Variants in RBFOX1 observed in about 807,000 individuals in gnomAD.
RBFOX1 encodes the protein RNA binding protein fox-1 homolog 1.
RBFOX1 carries 8 observed loss-of-function variants against 57.7 expected under a neutral mutation model. The observed-to-expected ratio is 0.14, with a 90% CI of 0.08 to 0.25. The LOEUF (loss-of-function observed/expected upper bound fraction) is 0.25. Among genes scored for constraint, RBFOX1 ranks in the 10% least tolerant of loss-of-function variants. RBFOX1 has a pLI of 1.00. For missense variants in RBFOX1, 611 were observed against 548.5 expected, an observed-to-expected ratio of 1.11 and a Z score of -1.14; for synonymous variants, 326 against 222.4, an observed-to-expected ratio of 1.47 and a Z score of -4.15.
rs578181222 is a variant in RBFOX1 at position 6,578,386 on chromosome 16, G to T, written c.-63-76217G>T. 2.3e-4 allele frequency among the ~76,000 whole-genome samples: 35 copies of T among 152,266 alleles called. 1 individual carries two copies. The South Asian group carries it at 7.3e-3, about 32-fold the overall frequency. On this transcript the variant is annotated intron_variant, in intron 2 of 15. Coordinates refer to ENST00000550418, the MANE Select transcript of RBFOX1 (RefSeq NM_018723.4). ...TGGGTGAAAGTGTGTTGTGATTCAT[G>T]ACCTTATGGATGGACGGTGTTCTCA... is the stretch of plus-strand genomic sequence containing the variant.
In RBFOX1 at chr16:7,234,353, A is replaced by G. The variant is rs148523333; in HGVS notation, c.27+182255A>G. Among the ~76,000 whole-genome samples the G allele has an allele frequency of 5.9e-5, 9 of 152,216 alleles. No individual in the cohort carries two copies. The East Asian group carries it at 7.7e-4, about 13-fold the overall frequency. On this transcript the variant is annotated intron_variant, in intron 4 of 15. Coordinates refer to ENST00000550418, the MANE Select transcript of RBFOX1 (RefSeq NM_018723.4). Reference sequence around the variant, plus strand: ...TACAGTGAGTTGAGATGAGGAATCTATTTGGTTTTGGTTCCACCCCTTTGC... The same window carrying G: ...TACAGTGAGTTGAGATGAGGAATCTGTTTGGTTTTGGTTCCACCCCTTTGC...
intron 2 of RBFOX1, chr16:6,576,912 C>G (rs150150012): frequency 2.0e-5 from 3 of 152,262 alleles, no homozygotes; most frequent in Admixed American, 6.5e-5. Context: ...TCATCCCCAG[C>G]AAAGATAAAG....
intron 3 of RBFOX1, among the ~76,000 whole-genome samples, chr16:6,863,901 C>T (rs1020442375): frequency 6.6e-6 from 1 of 151,696 alleles, no homozygotes; most frequent in Non-Finnish European, 1.5e-5. Context: ...AGTTACCAAT[C>T]CATTGCCATT....
intron 4 of RBFOX1, among the ~76,000 whole-genome samples, chr16:6,004,988 T>C (rs548787810): frequency 1.3e-5 from 2 of 149,506 alleles, no homozygotes; most frequent in South Asian, 4.2e-4. Flanking sequence ...ATTTGTTTTG[T>C]TGCTAAAAAA....
intron 1 of RBFOX1, among the ~76,000 whole-genome samples, chr16:6,083,619 G>T (rs2096042183): frequency 2.0e-5 from 3 of 152,092 alleles, no homozygotes; most frequent in Non-Finnish European, 2.9e-5. Context: ...TTGGACCACA[G>T]ACGTGCGCCA....
At chr16:6,708,178 G>A (rs915937692) in intron 3 of RBFOX1, among the ~76,000 whole-genome samples, 4 of 152,010 alleles carry the variant, frequency 2.6e-5, no homozygotes, top group Non-Finnish European at 4.4e-5. Flanking sequence ...TTTTCCCCTT[G>A]TTTCTTATTA....
chr16:6,767,914 CAATAATAAT>C (rs71408408), intron 3 of RBFOX1, among the ~76,000 whole-genome samples: 2,042 of 117,944 alleles, frequency 0.017, 26 homozygotes, highest in South Asian at 0.076. Context: ...GACTCTATCT[CAATAATAAT>C]AATAATAATA....
At chr16:6,371,862 C>T (rs1417851853) in intron 2 of RBFOX1, among the ~76,000 whole-genome samples, 2 of 152,208 alleles carry the variant, frequency 1.3e-5, no homozygotes, top group African/African-American at 2.4e-5. Context: ...TAAAATTTCC[C>T]TGCCTATCTG....
intron 1 of RBFOX1, among the ~76,000 whole-genome samples, chr16:6,093,750 T>C (rs1208913795): frequency 6.6e-6 from 1 of 151,848 alleles, no homozygotes; most frequent in African/African-American, 2.4e-5. Context: ...GCCTCCTAAA[T>C]AGCTGGGACC....
intron 4 of RBFOX1, among the ~76,000 whole-genome samples, chr16:7,143,286 C>T (rs766992062): frequency 2.0e-5 from 3 of 151,808 alleles, no homozygotes; most frequent in African/African-American, 7.3e-5. Context: ...ACAATGCGTC[C>T]AACTGTTTTC....
intron 2 of RBFOX1, among the ~76,000 whole-genome samples, chr16:6,469,873 T>C (rs554157809): frequency 3.9e-5 from 6 of 152,186 alleles, no homozygotes; most frequent in Non-Finnish European, 7.3e-5. Flanking sequence ...GGGCAGTAGA[T>C]TTGAACCTTA....
intron 2 of RBFOX1, among the ~76,000 whole-genome samples, chr16:6,375,685 C>T (rs922644549): frequency 1.3e-5 from 2 of 152,114 alleles, no homozygotes; most frequent in East Asian, 1.9e-4. Context: ...AACCCGGAGG[C>T]GCATCTCACA....
chr16:7,208,137 T>C (rs562713983), intron 4 of RBFOX1, among the ~76,000 whole-genome samples: 29 of 152,158 alleles, frequency 1.9e-4, no homozygotes, highest in Non-Finnish European at 4.0e-4. Context: ...TATGTATCCC[T>C]GGAGTTTGGT....
chr16:7,522,984 C>A (rs1180649611), intron 5 of RBFOX1, among the ~76,000 whole-genome samples: 1 of 151,610 alleles, frequency 6.6e-6, no homozygotes, highest in Non-Finnish European at 1.5e-5. Flanking sequence ...TTTTTTGATC[C>A]TCCCCTCCTC....
At chr16:6,284,654 C>G (rs2076718884) in intron 1 of RBFOX1, among the ~76,000 whole-genome samples, 1 of 152,058 alleles carries the variant, frequency 6.6e-6, no homozygotes, top group Admixed American at 6.6e-5. Context: ...TGGAGAGGTC[C>G]TTGGTTTCTT....
intron 2 of RBFOX1, among the ~76,000 whole-genome samples, chr16:6,321,922 T>C (rs892224355): frequency 3.9e-5 from 6 of 152,178 alleles, no homozygotes; most frequent in African/African-American, 1.4e-4. Flanking sequence ...GCAGCACAGA[T>C]TGCTATACAT....
intron 4 of RBFOX1, among the ~76,000 whole-genome samples, chr16:7,234,588 A>ATATG (rs1555611035): frequency 1.2e-4 from 17 of 141,878 alleles, no homozygotes; most frequent in African/African-American, 4.4e-4. Context: ...GTGTATACAT[A>ATATG]TGTGTGTGTG....
At chr16:7,444,295 A>G (rs8182110) in intron 4 of RBFOX1, among the ~76,000 whole-genome samples, 98,277 of 151,928 alleles carry the variant, frequency 0.65, 33,101 homozygotes, top group African/African-American at 0.83. Context: ...GTCTGGCTGG[A>G]ACAGAGTCCC....
intron 1 of RBFOX1, among the ~76,000 whole-genome samples, chr16:5,339,470 G>GGTTTTTTTTTTTTTTTTTTTTT (rs1567354925): frequency 4.9e-5 from 2 of 40,854 alleles, no homozygotes; most frequent in African/African-American, 8.2e-5. Context: ...CTTTTTCCGT[G>GGTTTTTTTTTTTTTTTTTTTTT]TTTTTTTTTT....
Sources: allele counts gnomAD v4.1 joint callset (sites outside exome capture counted in the v4.1 genomes callset), GRCh38; gene constraint gnomAD v4.1.1; transcripts MANE v1.5; gene names NCBI Gene and HGNC (gene_info 2026-07-23, HGNC 2026-07-21).